HEATR5A: variants seen among roughly 807,000 people sequenced by gnomAD.
The protein encoded by HEATR5A is HEAT repeat-containing protein 5A.
A neutral mutation model predicts 218.8 loss-of-function variants in HEATR5A; 178 were observed. The ratio of observed to expected loss-of-function variants is 0.81; its 90% confidence interval spans 0.72 to 0.92. The LOEUF (loss-of-function observed/expected upper bound fraction) is 0.92, where lower values mean the gene tolerates loss of function less well. Ranked by LOEUF, HEATR5A falls within the 40% of genes least tolerant of loss-of-function variation. The pLI, the probability that HEATR5A is intolerant of heterozygous loss-of-function variation, is 0.00. For missense variants in HEATR5A, 2,420 were observed against 2,418.9 expected, an observed-to-expected ratio of 1.00 and a Z score of -0.01; for synonymous variants, 864 against 871.6, an observed-to-expected ratio of 0.99 and a Z score of 0.15.
chr14:31,321,771 T>C, intron 24 of HEATR5A, 91 bp from the exon 25 acceptor site: 2 of 1,001,844 alleles, frequency 2.0e-6, no homozygotes, highest in South Asian at 3.6e-5. Context: ...AGTGATAATT[T>C]TTCCTCCTTT....
At chr14:31,303,387 C>T (rs1021502466) in intron 32 of HEATR5A, among the ~76,000 whole-genome samples, 7 of 152,108 alleles carry the variant, frequency 4.6e-5, no homozygotes, top group Non-Finnish European at 8.8e-5. Context: ...GAGCTGAGAT[C>T]GCGCCACTGC....
At chr14:31,347,041 A>G (rs1010449694) in intron 19 of HEATR5A, among the ~76,000 whole-genome samples, 1 of 152,162 alleles carries the variant, frequency 6.6e-6, no homozygotes, top group African/African-American at 2.4e-5. Flanking sequence ...GTTGTGAGCA[A>G]GTTGCTTAGC....
chr14:31,384,843 TTCTA>T (rs2030146824), intron 9 of HEATR5A, among the ~76,000 whole-genome samples: 1 of 151,884 alleles, frequency 6.6e-6, no homozygotes, highest in Non-Finnish European at 1.5e-5. Context: ...TTAATACACT[TTCTA>T]TCCACCATGT....
chr14:31,411,154 ATAT>A (rs1040280019), intron 1 of HEATR5A, among the ~76,000 whole-genome samples: 6 of 152,084 alleles, frequency 3.9e-5, no homozygotes, highest in Admixed American at 2.0e-4. Flanking sequence ...TTAGAAAAAA[ATAT>A]TATTTATCAG....
At position 31,395,213 on chromosome 14, in the gene HEATR5A, A is replaced by T. The variant is rs2139296142; in HGVS notation, c.583T>A (p.Cys195Ser). The T allele has an allele frequency of 6.6e-7, 1 of 1,515,646 alleles. No homozygotes were observed. Among genetic ancestry groups the T allele is most frequent in the East Asian group, 2.5e-5 (1 of 40,808 alleles). 93.9% of individuals were successfully genotyped at this position (1,515,646 alleles called of 1,614,324 possible). The change falls in exon 5 of 36, where the codon TGT (cysteine) becomes AGT (serine). Residue 195 changes from cysteine (C) to serine (S), a missense_variant. Coordinates refer to ENST00000543095, the MANE Select transcript of HEATR5A (RefSeq NM_015473.4). ...CLTDRSMAVR[C>S]AAAKCLLELQ... ...GATCATTTTACCTTTGCAGCAGCAC[A>T]ACGAACAGCCATGGATCTATCTGTC...
chr14:31,350,535 A>C (rs1901183959), intron 17 of HEATR5A, 77 bp downstream of exon 17: 2 of 753,136 alleles, frequency 2.7e-6, no homozygotes, highest in East Asian at 5.4e-5. Flanking sequence ...TAAAAACATC[A>C]TCCTCCGACA....
intron 2 of HEATR5A, 44 bp from the exon 3 acceptor site, chr14:31,400,556 T>C: frequency 8.1e-7 from 1 of 1,234,394 alleles, no homozygotes; most frequent in Non-Finnish European, 1.1e-6. Context: ...GTCAATATAA[T>C]TATCTGTAAT....
intron 19 of HEATR5A, among the ~76,000 whole-genome samples, chr14:31,347,539 T>C (rs1220419056): frequency 6.6e-6 from 1 of 152,214 alleles, no homozygotes; most frequent in Non-Finnish European, 1.5e-5. Flanking sequence ...GGAACAGAGA[T>C]ACATTTTCAG....
chr14:31,346,329 A>AC (rs1302622202), intron 19 of HEATR5A, among the ~76,000 whole-genome samples: 1 of 152,222 alleles, frequency 6.6e-6, no homozygotes, highest in African/African-American at 2.4e-5. Flanking sequence ...AGCAAAAAGT[A>AC]CTATATATAA....
Position 31,386,554 on chromosome 14 carries a change from T to G in HEATR5A, c.1211A>C (p.Asn404Thr), listed in dbSNP as rs764421799. Residue 404 changes from asparagine (N) to threonine (T), a missense_variant, in exon 9 of 36, where the codon AAT (asparagine) becomes ACT (threonine). Physicochemically the swap from Asn to Thr is moderately conservative, Grantham distance 65. Transcript: ENST00000543095. ...TGTGGAACCAAGCCGGGTTTCCAAA[T>G]TACCATCACTCATTACGGCATCTGA... ...KVMDAVMSDG[N>T]LETRLGSTDV... 1 of 1,598,500 alleles carries G rather than the reference T, an allele frequency of 6.3e-7. No homozygotes were observed. The highest frequency in any genetic ancestry group is 8.5e-7 in the Non-Finnish European group (1 of 1,173,880).
At chr14:31,301,241 G>A (rs1447341615) in intron 33 of HEATR5A, among the ~76,000 whole-genome samples, 3 of 152,064 alleles carry the variant, frequency 2.0e-5, no homozygotes, top group African/African-American at 2.4e-5. Flanking sequence ...AAGAAAAAAA[G>A]AGAAACAAGT....
At chr14:31,336,219 T>TAC (rs1900657614) in intron 22 of HEATR5A, among the ~76,000 whole-genome samples, 1 of 2,854 alleles carries the variant, frequency 3.5e-4, no homozygotes, top group South Asian at 4.8e-3. Context: ...CATACATACA[T>TAC]ATATATATAT....
At chr14:31,413,480 G>C (rs1284933989) in intron 1 of HEATR5A, among the ~76,000 whole-genome samples, 1 of 151,632 alleles carries the variant, frequency 6.6e-6, no homozygotes, top group Non-Finnish European at 1.5e-5. Flanking sequence ...TTGCCAGTGG[G>C]AGCCCTAATT....
At chr14:31,367,794 C>T (rs901448739) in intron 13 of HEATR5A, among the ~76,000 whole-genome samples, 2 of 151,780 alleles carry the variant, frequency 1.3e-5, no homozygotes, top group East Asian at 3.9e-4. Flanking sequence ...CGTCAAAAGG[C>T]TTAATCTAAC....
At chr14:31,370,225 C>CA (rs572866314) in intron 13 of HEATR5A, among the ~76,000 whole-genome samples, 5,199 of 106,994 alleles carry the variant, frequency 0.049, 251 homozygotes, top group African/African-American at 0.15. Flanking sequence ...GACTACGTCT[C>CA]AAAAAAAAAA....
At position 31,326,232 on chromosome 14, in the gene HEATR5A, T is replaced by A. The variant is rs751475637; in HGVS notation, c.3478A>T (p.Thr1160Ser). 1.1e-5 allele frequency: 17 copies of A among 1,613,184 alleles called. No homozygotes were observed. Among genetic ancestry groups the A allele is most frequent in the Non-Finnish European group, 1.4e-5 (17 of 1,179,248 alleles). The change falls in exon 23 of 36, where the codon ACA (threonine) becomes TCA (serine). Residue 1160 changes from threonine to serine, a missense_variant. Physicochemically the swap from Thr to Ser is moderately conservative, Grantham distance 58 (BLOSUM62 1). Coordinates refer to ENST00000543095, the MANE Select transcript of HEATR5A (RefSeq NM_015473.4). ...GAGAGTTTTTCCACTGCCATAGATG[T>A]AAGCATATAATTTAAAGTCTCTTTG... Reference protein sequence around the residue: ...DIKETLNYMLTSMAVEKLSLW... With the variant: ...DIKETLNYMLSSMAVEKLSLW...
intron 27 of HEATR5A, among the ~76,000 whole-genome samples, chr14:31,314,200 A>G (rs997167990): frequency 6.6e-5 from 10 of 152,004 alleles, no homozygotes; most frequent in Non-Finnish European, 1.3e-4. Flanking sequence ...TGCCCGCCTC[A>G]GCCTCCCAAA....
chr14:31,394,752 AG>A (rs2030590081), intron 5 of HEATR5A, among the ~76,000 whole-genome samples: 1 of 152,170 alleles, frequency 6.6e-6, no homozygotes, highest in South Asian at 2.1e-4. Context: ...CGGGAGGCAG[AG>A]CTTGCAGTGA....
At chr14:31,293,694 T>A in intron 35 of HEATR5A, 82 bp from the exon 36 acceptor site, 1 of 1,290,608 alleles carries the variant, frequency 7.7e-7, no homozygotes, top group Non-Finnish European at 1.1e-6. Flanking sequence ...TCTGTATACA[T>A]TTTTCCCCAC....
Sources: gnomAD v4.1 joint callset for allele counts (sites outside exome capture counted in the v4.1 genomes callset) on GRCh38, gnomAD v4.1.1 for gene constraint, MANE v1.5 for transcripts, NCBI Gene and HGNC (gene_info 2026-07-23, HGNC 2026-07-21) for gene names.